The following TCF7L2 variants were observed in gnomAD, a reference collection of about 807,000 sequenced individuals.
TCF7L2 encodes the protein transcription factor 7 like 2, also known as transcription factor 7-like 2.
TCF7L2 carries 23 observed loss-of-function variants against 77.9 expected under a neutral mutation model. The ratio of observed to expected loss-of-function variants is 0.30; its 90% confidence interval spans 0.21 to 0.42. The LOEUF (loss-of-function observed/expected upper bound fraction) is 0.42, where lower values mean the gene tolerates loss of function less well. Among genes scored for constraint, TCF7L2 ranks in the 10% least tolerant of loss-of-function variants. The pLI is 1.00. For missense variants in TCF7L2, 654 were observed against 793.1 expected, an observed-to-expected ratio of 0.82 and a Z score of 2.11; for synonymous variants, 413 against 340.2, an observed-to-expected ratio of 1.21 and a Z score of -2.36.
At chr10:112,981,807 G>A (rs2040524208) in intron 4 of TCF7L2, among the ~76,000 whole-genome samples, 1 of 152,178 alleles carries the variant, frequency 6.6e-6, no homozygotes, top group Admixed American at 6.5e-5. Context: ...TTTGGTCATG[G>A]TTTGTGGTTT....
chr10:112,957,763 A>G (rs149583595), intron 3 of TCF7L2, among the ~76,000 whole-genome samples: 3 of 152,266 alleles, frequency 2.0e-5, no homozygotes, highest in Non-Finnish European at 4.4e-5. Flanking sequence ...TTACTGTGTA[A>G]GCATCTGAGG....
At chr10:112,957,363 G>A (rs1387591104) in intron 3 of TCF7L2, among the ~76,000 whole-genome samples, 2 of 151,838 alleles carry the variant, frequency 1.3e-5, no homozygotes, top group African/African-American at 2.4e-5. Context: ...ACTAGTTAAC[G>A]TGAGAGTTTT....
chr10:113,140,409 T>C (rs2068141395), intron 5 of TCF7L2, among the ~76,000 whole-genome samples: 1 of 152,178 alleles, frequency 6.6e-6, no homozygotes, highest in Non-Finnish European at 1.5e-5. Context: ...CTGTACTTTG[T>C]TTTTTAGAAC....
chr10:113,151,822 A>G lies in TCF7L2; in HGVS notation c.1099A>G (p.Lys367Glu), dbSNP rs1230085903. 1.2e-6 allele frequency: 2 copies of G among 1,613,872 alleles called. No individual in the cohort carries two copies. Among genetic ancestry groups the G allele is most frequent in the South Asian group, 1.1e-5 (1 of 91,000 alleles). ...GTTGTATATGAAGGAAATGAGAGCAAAGGTCGTAGCTGAGTGCACGTTGAA... is the reference window on the plus strand; with the variant it reads ...GTTGTATATGAAGGAAATGAGAGCAGAGGTCGTAGCTGAGTGCACGTTGAA... The change falls in exon 10 of 14, where the codon AAG becomes GAG. Residue 367 changes from lysine (K) to glutamate (E), a missense_variant. Physicochemically the swap from Lys to Glu is moderately conservative, Grantham distance 56. Coordinates refer to ENST00000627217, the MANE Select transcript of TCF7L2 (RefSeq NM_001146274.2). The surrounding 1 kb of genome is among the most constrained non-coding windows in gnomAD (Gnocchi z 5.2).
intron 4 of TCF7L2, among the ~76,000 whole-genome samples, chr10:112,976,468 A>G (rs1181545952): frequency 1.3e-5 from 2 of 152,190 alleles, no homozygotes; most frequent in African/African-American, 2.4e-5. Flanking sequence ...GAATATAAGC[A>G]CTTCTGAAGG....
intron 3 of TCF7L2, among the ~76,000 whole-genome samples, chr10:112,952,035 C>T (rs1010046012): frequency 6.6e-6 from 1 of 152,056 alleles, no homozygotes; most frequent in Non-Finnish European, 1.5e-5. Flanking sequence ...TCTTCCTTCC[C>T]TCTTCTGTGG....
intron 4 of TCF7L2, among the ~76,000 whole-genome samples, chr10:112,981,302 C>T (rs963549444): frequency 3.9e-5 from 4 of 101,800 alleles, no homozygotes; most frequent in East Asian, 3.0e-4. Context: ...GGAAGAGACC[C>T]GTCCTCAAAA....
At chr10:112,998,759 A>G (rs992765024) in intron 4 of TCF7L2, among the ~76,000 whole-genome samples, 1 of 152,292 alleles carries the variant, frequency 6.6e-6, no homozygotes, top group East Asian at 1.9e-4. Context: ...GCTACATTTC[A>G]TCTCTTCGCT....
intron 4 of TCF7L2, among the ~76,000 whole-genome samples, chr10:112,994,054 C>CAAAAAA (rs762753537): frequency 9.0e-6 from 1 of 111,680 alleles, no homozygotes; most frequent in African/African-American, 3.2e-5. Context: ...GACTCTGTCT[C>CAAAAAA]AAAAAAAAAA....
In TCF7L2 at chr10:113,110,859, T is replaced by C. The variant is rs544658267; in HGVS notation, c.553-30325T>C. 2.6e-5 allele frequency among the ~76,000 whole-genome samples: 4 copies of C among 152,320 alleles called. No homozygotes were observed. In the East Asian group the frequency reaches 7.7e-4, roughly 29 times the overall value. ...TGTTTCTGTCCCAATCATAGACTAA[T>C]CTGGCCAATTGTATGGGTCAGACAA... On this transcript the variant is annotated intron_variant, in intron 5 of 13. Transcript: ENST00000627217.
At chr10:113,014,627 A>G (rs1044959238) in intron 4 of TCF7L2, among the ~76,000 whole-genome samples, 8 of 152,056 alleles carry the variant, frequency 5.3e-5, no homozygotes, top group Non-Finnish European at 7.4e-5. Context: ...TCTACTAAAA[A>G]TACATAAATT....
chr10:113,001,950 T>C (rs914984901), intron 4 of TCF7L2, among the ~76,000 whole-genome samples: 1 of 152,206 alleles, frequency 6.6e-6, no homozygotes. Context: ...CCCAGCTGTT[T>C]AGAGGCTACG....
chr10:113,021,166 C>T lies in TCF7L2; in HGVS notation c.451-18859C>T, dbSNP rs374813317. Among the ~76,000 whole-genome samples the T allele has an allele frequency of 1.3e-4, 20 of 152,326 alleles. No homozygotes were observed. The South Asian group carries it at 4.1e-3, about 32-fold the overall frequency. On this transcript the variant is annotated intron_variant, in intron 4 of 13. Coordinates refer to ENST00000627217, the MANE Select transcript of TCF7L2 (RefSeq NM_001146274.2). ...CAAACATGTTTCCTGCCCTCGTAAC[C>T]TTCGCTTCCAAATTCTGTGACCTTG...
intron 5 of TCF7L2, among the ~76,000 whole-genome samples, chr10:113,084,912 A>G (rs868168222): frequency 6.7e-6 from 1 of 148,750 alleles, no homozygotes; most frequent in Admixed American, 6.7e-5. Flanking sequence ...CCCCCCCCCA[A>G]AAAAAAAAAA....
chr10:113,099,855 G>A (rs1350205017), intron 5 of TCF7L2, among the ~76,000 whole-genome samples: 1 of 152,184 alleles, frequency 6.6e-6, no homozygotes, highest in Non-Finnish European at 1.5e-5. Context: ...AATTGGAGAG[G>A]AGGGGAGGGG....
At chr10:112,956,156 G>C (rs1053776371) in intron 3 of TCF7L2, among the ~76,000 whole-genome samples, 2 of 151,992 alleles carry the variant, frequency 1.3e-5, no homozygotes, top group Non-Finnish European at 2.9e-5. Flanking sequence ...TTGTGTGGAC[G>C]CGTGTTTCTG....
chr10:113,166,275 C>T lies in TCF7L2; in HGVS notation c.*303C>T, dbSNP rs1032483486. On this transcript the variant is annotated 3_prime_UTR_variant, in exon 14 of 14. Coordinates refer to ENST00000627217, the MANE Select transcript of TCF7L2 (RefSeq NM_001146274.2). Reference sequence around the variant, plus strand: ...ATATATACATAACTGTTATGTAGTTCGGATAGCTTAGTTTTAAAAGACTGA... The same window carrying T: ...ATATATACATAACTGTTATGTAGTTTGGATAGCTTAGTTTTAAAAGACTGA... 1.5e-5 allele frequency: 4 copies of T among 271,222 alleles called. No individual in the cohort carries two copies. Among genetic ancestry groups the T allele is most frequent in the Non-Finnish European group, 2.7e-5 (4 of 145,480 alleles). The allele number at this position is 271,222 out of a possible 1,614,324, so 16.8% of individuals were successfully genotyped here.
At chr10:113,068,324 A>G (rs1034326881) in intron 5 of TCF7L2, among the ~76,000 whole-genome samples, 1 of 152,210 alleles carries the variant, frequency 6.6e-6, no homozygotes, top group Non-Finnish European at 1.5e-5. Flanking sequence ...CTTGCTGTTG[A>G]CAGCCCATGT....
intron 3 of TCF7L2, among the ~76,000 whole-genome samples, chr10:112,958,171 T>C (rs1198445640): frequency 2.6e-5 from 4 of 152,230 alleles, no homozygotes; most frequent in Non-Finnish European, 5.9e-5. Context: ...CTTAGGCACA[T>C]CTGATTTCGG....
Sources: allele counts gnomAD v4.1 joint callset (sites outside exome capture counted in the v4.1 genomes callset), GRCh38; gene constraint gnomAD v4.1.1; non-coding constraint Gnocchi (gnomAD v3.1); transcripts MANE v1.5; gene names NCBI Gene and HGNC (gene_info 2026-07-23, HGNC 2026-07-21).